Variants in LRRC4C observed in about 807,000 individuals in gnomAD.
LRRC4C encodes leucine-rich repeat-containing protein 4C.
LRRC4C carries 5 observed loss-of-function variants against 33.6 expected under a neutral mutation model. The ratio of observed to expected loss-of-function variants is 0.15; its 90% CI spans 0.08 to 0.31. The LOEUF (loss-of-function observed/expected upper bound fraction) is 0.31. Ranked by LOEUF, LRRC4C falls within the 10% of genes least tolerant of loss-of-function variation. The pLI is 1.00. For missense variants in LRRC4C, 560 were observed against 796.7 expected (o/e 0.70, Z 3.58); for synonymous variants, 329 against 302.0 (o/e 1.09, Z -0.93).
intron 4 of LRRC4C, among the ~76,000 whole-genome samples, chr11:40,244,496 A>G (rs1043264036): frequency 2.0e-5 from 3 of 152,080 alleles, no homozygotes; most frequent in African/African-American, 7.2e-5. Context: ...GCCACAAACC[A>G]TTGTCTGCTC....
At chr11:41,300,977 CTTAAAT>C (rs1231654507) in intron 1 of LRRC4C, among the ~76,000 whole-genome samples, 2 of 152,102 alleles carry the variant, frequency 1.3e-5, no homozygotes, top group Non-Finnish European at 2.9e-5. Context: ...CTGATAACAA[CTTAAAT>C]TTAAACAATT....
At chr11:40,550,246 C>T (rs1957080903) in intron 3 of LRRC4C, among the ~76,000 whole-genome samples, 2 of 151,748 alleles carry the variant, frequency 1.3e-5, no homozygotes, top group South Asian at 4.2e-4. Flanking sequence ...AATGTGTATC[C>T]CTTGATTCCA....
At chr11:40,312,409 G>C (rs536238632) in intron 4 of LRRC4C, among the ~76,000 whole-genome samples, 40 of 152,278 alleles carry the variant, frequency 2.6e-4, no homozygotes, top group African/African-American at 8.9e-4. Context: ...GGTGAAAACA[G>C]TGCTGTGAGA....
intron 1 of LRRC4C, among the ~76,000 whole-genome samples, chr11:41,033,904 T>A (rs1020433233): frequency 6.6e-6 from 1 of 152,046 alleles, no homozygotes; most frequent in Non-Finnish European, 1.5e-5. Flanking sequence ...ATGAGAAAAA[T>A]TTAACCTACA....
chr11:40,973,887 G>A (rs542928282), intron 1 of LRRC4C, among the ~76,000 whole-genome samples: 8 of 151,938 alleles, frequency 5.3e-5, no homozygotes, highest in Middle Eastern at 3.4e-3. Context: ...AAACAGCCCC[G>A]AGCCCATTTC....
At chr11:40,531,963 CATAATT>C (rs1195494644) in intron 3 of LRRC4C, among the ~76,000 whole-genome samples, 5 of 148,542 alleles carry the variant, frequency 3.4e-5, no homozygotes, top group African/African-American at 1.0e-4. Flanking sequence ...TGGGATTTTT[CATAATT>C]ATAATTATGA....
intron 4 of LRRC4C, among the ~76,000 whole-genome samples, chr11:40,303,299 T>C (rs753348504): frequency 2.0e-5 from 3 of 152,134 alleles, no homozygotes; most frequent in Non-Finnish European, 4.4e-5. Flanking sequence ...TGCGTATTTG[T>C]TTGTGTATGT....
chr11:41,281,070 CT>C (rs1260587260), intron 1 of LRRC4C, among the ~76,000 whole-genome samples: 156 of 135,408 alleles, frequency 1.2e-3, no homozygotes, highest in African/African-American at 4.2e-3. Flanking sequence ...CTCTCTCTCT[CT>C]CTCTGTCCTC....
At chr11:40,499,302 G>C (rs1284937730) in intron 3 of LRRC4C, among the ~76,000 whole-genome samples, 1 of 152,206 alleles carries the variant, frequency 6.6e-6, no homozygotes, top group East Asian at 1.9e-4. Flanking sequence ...TGGCCACCAG[G>C]TAAACAAAAA....
intron 1 of LRRC4C, among the ~76,000 whole-genome samples, chr11:41,210,566 A>T (rs11603068): frequency 0.44 from 66,624 of 152,012 alleles, 17,643 homozygotes; most frequent in South Asian, 0.63. Flanking sequence ...AAATGGACTA[A>T]TACAATGATC....
rs747152583 is a variant in LRRC4C, at chr11:40,987,630, G to GATATATAT, written c.-495-53915_-495-53908dup. Reference sequence around the variant, plus strand: ...GGCTCTGCAGGTACAAGTGGGTAATGATATATATATATATATATATATCTC... The same window carrying GATATATAT: ...GGCTCTGCAGGTACAAGTGGGTAATGATATATATATATATATATATATATATATATCTC... On this transcript the variant is annotated intron_variant, in intron 1 of 6. Coordinates refer to ENST00000528697, the MANE Select transcript of LRRC4C (RefSeq NM_001258419.2). Among the ~76,000 whole-genome samples the GATATATAT allele has an allele frequency of 7.8e-4, 69 of 88,596 alleles. 2 individuals are homozygous for GATATATAT. The highest frequency in any genetic ancestry group is 1.3e-3 in the African/African-American group (33 of 24,520). The allele number at this position is 88,596 out of a possible 152,430, so 58.1% of individuals were successfully genotyped here. A position where few individuals can be genotyped will look rare whatever the true frequency, so the allele number is the denominator to read the frequency against.
intron 1 of LRRC4C, among the ~76,000 whole-genome samples, chr11:41,248,944 A>T (rs1165402054): frequency 1.3e-5 from 2 of 151,992 alleles, no homozygotes; most frequent in African/African-American, 4.8e-5. Flanking sequence ...CCAATCTATC[A>T]GTAAATACTA....
At chr11:40,973,527 G>A (rs1283592068) in intron 1 of LRRC4C, among the ~76,000 whole-genome samples, 58 of 152,152 alleles carry the variant, frequency 3.8e-4, no homozygotes, top group Non-Finnish European at 1.9e-4. Context: ...TCACTAGGAA[G>A]AGAATAGATG....
At chr11:41,075,043 AATGTTTTTTT>A (rs1565359600) in intron 1 of LRRC4C, among the ~76,000 whole-genome samples, 3 of 13,754 alleles carry the variant, frequency 2.2e-4, no homozygotes, top group Admixed American at 9.2e-4. Context: ...TTTTATTTTT[AATGTTTTTTT>A]TTTTTTTTTA....
At chr11:41,341,072 A>G (rs1951620143) in intron 1 of LRRC4C, among the ~76,000 whole-genome samples, 1 of 152,154 alleles carries the variant, frequency 6.6e-6, no homozygotes, top group Admixed American at 6.5e-5. Context: ...CAAACAAAGT[A>G]AAAGAAGCAG....
intron 1 of LRRC4C, among the ~76,000 whole-genome samples, chr11:41,109,963 A>G (rs1456340010): frequency 1.3e-5 from 2 of 151,972 alleles, no homozygotes; most frequent in East Asian, 1.9e-4. Flanking sequence ...TTCCTCTACA[A>G]CAGCGTGTAC....
chr11:40,963,589 T>C lies in LRRC4C; in HGVS notation c.-495-29866A>G, dbSNP rs755336559. The stretch of plus-strand genomic sequence containing the variant: ...AGATGACATAAGATGCTTTGTAGCC[T>C]GTAAAGAATTATTTTTCTGTGGGTC... On this transcript the variant is annotated intron_variant, in intron 1 of 6. Coordinates refer to ENST00000528697, the MANE Select transcript of LRRC4C (RefSeq NM_001258419.2). 3.3e-5 allele frequency among the ~76,000 whole-genome samples: 5 copies of C among 151,782 alleles called. No homozygotes were observed. In the South Asian group the frequency reaches 6.2e-4, roughly 19 times the overall value.
intron 1 of LRRC4C, among the ~76,000 whole-genome samples, chr11:41,176,654 A>C (rs1163894831): frequency 6.6e-6 from 1 of 152,178 alleles, no homozygotes; most frequent in Admixed American, 6.5e-5. Flanking sequence ...AAGATAAAAT[A>C]AATGAAGAAT....
chr11:40,881,805 T>C (rs78045371), intron 2 of LRRC4C, among the ~76,000 whole-genome samples: 1 of 152,080 alleles, frequency 6.6e-6, no homozygotes, highest in African/African-American at 2.4e-5. Context: ...GACTTTCTCA[T>C]GACAAAATAT....
Sources: gnomAD v4.1 joint callset for allele counts (sites outside exome capture counted in the v4.1 genomes callset) on GRCh38, gnomAD v4.1.1 for gene constraint, MANE v1.5 for transcripts, NCBI Gene and HGNC (gene_info 2026-07-23, HGNC 2026-07-21) for gene names.